The following CARD8 variants were observed in gnomAD, a reference collection of about 807,000 sequenced individuals.
CARD8 encodes the protein caspase recruitment domain family member 8.
A neutral mutation model predicts 53.2 loss-of-function variants in CARD8; 38 were observed. That is an observed-to-expected ratio of 0.71 (90% CI 0.55 to 0.94). The LOEUF is 0.94. Ranked by LOEUF, CARD8 falls within the 40% of genes least tolerant of loss-of-function variation. The pLI is 0.00. For missense variants in CARD8, 561 were observed against 655.5 expected (o/e 0.86, Z 1.57); for synonymous variants, 245 against 244.9 (o/e 1.00, Z 0.00).
chr19:48,220,441 G>A (rs758171461), intron 11 of CARD8, among the ~76,000 whole-genome samples: 1 of 143,194 alleles, frequency 7.0e-6, no homozygotes, highest in Non-Finnish European at 1.6e-5. Context: ...AGCCATCTAC[G>A]CCAAAACAAT....
At chr19:48,213,625 C>T (rs998976034) in intron 13 of CARD8, among the ~76,000 whole-genome samples, 2 of 152,168 alleles carry the variant, frequency 1.3e-5, no homozygotes, top group Non-Finnish European at 2.9e-5. Context: ...CCACCTGCCT[C>T]GGCCTCCCAA....
intron 10 of CARD8, among the ~76,000 whole-genome samples, chr19:48,228,434 G>A (rs2042206230): frequency 6.6e-6 from 1 of 152,058 alleles, no homozygotes. Context: ...CGTGGTCAGT[G>A]GAATAGCATT....
rs772686057 is a variant in CARD8, at chr19:48,232,683, T to C, written c.351-190A>G. The C allele has an allele frequency of 3.6e-5, 25 of 688,736 alleles. No homozygotes were observed. The South Asian group carries it at 3.8e-4, about 10-fold the overall frequency. 42.7% of individuals were successfully genotyped at this position (688,736 alleles called of 1,614,324 possible). On this transcript the variant is annotated intron_variant, in intron 6 of 13. Coordinates refer to ENST00000651546, the MANE Select transcript of CARD8 (RefSeq NM_001184900.3). The stretch of plus-strand genomic sequence containing the variant: ...AGTTTCTCAGTTGCACTATCCATAT[T>C]TCAAGTGCTCAACAGCTACATATCA...
downstream of CARD8, among the ~76,000 whole-genome samples, chr19:48,207,185 AAAAG>A (rs147465704): frequency 3.2e-5 from 3 of 93,050 alleles, no homozygotes; most frequent in Non-Finnish European, 4.9e-5. Flanking sequence ...AAAAGAAAAG[AAAAG>A]AAAAAAAAAA....
chr19:48,240,394 T>C (rs2044753401), intron 4 of CARD8, among the ~76,000 whole-genome samples: 1 of 152,074 alleles, frequency 6.6e-6, no homozygotes, highest in Non-Finnish European at 1.5e-5. Flanking sequence ...TGCTCAGGTA[T>C]GAAGTTGCCA....
At chr19:48,218,623 G>A (rs1178676638) in intron 12 of CARD8, among the ~76,000 whole-genome samples, 1 of 151,878 alleles carries the variant, frequency 6.6e-6, no homozygotes, top group Non-Finnish European at 1.5e-5. Flanking sequence ...CAAAGTTCTG[G>A]GTTTACAGGC....
chr19:48,218,847 T>C lies in CARD8; in HGVS notation c.1303+24A>G. On this transcript the variant is annotated intron_variant, in intron 12 of 13. Coordinates refer to ENST00000651546, the MANE Select transcript of CARD8 (RefSeq NM_001184900.3). ...TACATGATGGATCCCTGTCTAAAAA[T>C]GCCAGCCTCGCCCACTCACCTACCT... 1.9e-6 allele frequency: 3 copies of C among 1,612,552 alleles called. No homozygotes were observed. In the South Asian group the frequency reaches 3.3e-5, roughly 18 times the overall value.
intron 6 of CARD8, chr19:48,233,548 T>C (rs940191315): frequency 6.7e-5 from 25 of 370,818 alleles, no homozygotes; most frequent in African/African-American, 4.5e-4. Flanking sequence ...TGGATTCGGG[T>C]AGCTACAGGC....
At chr19:48,204,088 G>A (rs960266552), downstream of CARD8, 2 of 447,622 alleles carry the variant, frequency 4.5e-6, no homozygotes, top group Admixed American at 4.8e-5. Flanking sequence ...GAGCATTGTG[G>A]GGCCCGCTTG....
chr19:48,250,541 C>T (rs2046814903), intron 1 of CARD8, among the ~76,000 whole-genome samples: 1 of 152,126 alleles, frequency 6.6e-6, no homozygotes, highest in Non-Finnish European at 1.5e-5. Flanking sequence ...TTTCAGATTT[C>T]TCCTTGTGAT....
intron 3 of CARD8, among the ~76,000 whole-genome samples, chr19:48,246,455 G>A (rs1397191538): frequency 1.3e-5 from 2 of 152,088 alleles, no homozygotes; most frequent in Non-Finnish European, 2.9e-5. Flanking sequence ...AGATATCTTT[G>A]TCCTAATCTC....
intron 1 of CARD8, among the ~76,000 whole-genome samples, chr19:48,255,046 C>A (rs919770418): frequency 6.6e-6 from 1 of 152,180 alleles, no homozygotes; most frequent in African/African-American, 2.4e-5. Context: ...CATGTCTATT[C>A]CCAATTGCAA....
rs369827063 is a variant in CARD8 at position 48,208,459 on chromosome 19, G to A, written c.*3251C>T. The A allele has an allele frequency of 1.5e-4, 23 of 152,298 alleles. No individual in the cohort carries two copies. The East Asian group carries it at 4.0e-3, about 27-fold the overall frequency. The allele number at this position is 152,298 out of a possible 1,614,324, so 9.4% of individuals were successfully genotyped here. ...GCTGATATTAAGACCTCAGTTCACA[G>A]AAAGCCAAATAAATAATAAACATCT... On this transcript the variant is annotated 3_prime_UTR_variant, in exon 14 of 14. Transcript: ENST00000651546.
intron 5 of CARD8, among the ~76,000 whole-genome samples, chr19:48,234,756 T>A (rs558955126): frequency 1.2e-4 from 19 of 152,216 alleles, no homozygotes; most frequent in Non-Finnish European, 2.4e-4. Context: ...GGCTCTCTGT[T>A]TCCCACTATA....
At chr19:48,220,642 G>T (rs1435057800) in intron 11 of CARD8, among the ~76,000 whole-genome samples, 3 of 152,094 alleles carry the variant, frequency 2.0e-5, no homozygotes, top group Admixed American at 2.0e-4. Context: ...GGCCAGGTGT[G>T]GTGGCTCGAG....
intron 10 of CARD8, among the ~76,000 whole-genome samples, chr19:48,224,394 T>TCCC (rs1254985633): frequency 1.4e-4 from 21 of 152,186 alleles, no homozygotes; most frequent in African/African-American, 4.8e-4. Context: ...TTTATGTGCT[T>TCCC]CCCTTCATAT....
chr19:48,245,940 T>A (rs984747208), intron 3 of CARD8, among the ~76,000 whole-genome samples: 2 of 150,842 alleles, frequency 1.3e-5, no homozygotes, highest in Non-Finnish European at 3.0e-5. Flanking sequence ...ATAATACAAT[T>A]ATCCAACCAG....
At chr19:48,226,251 CAG>C (rs955269930) in intron 10 of CARD8, among the ~76,000 whole-genome samples, 1 of 151,902 alleles carries the variant, frequency 6.6e-6, no homozygotes, top group African/African-American at 2.4e-5. Context: ...TTATTTAAGA[CAG>C]AGTTTCGTTC....
At chr19:48,207,170 AAAAAAAAAG>A (rs1202497080), downstream of CARD8, among the ~76,000 whole-genome samples, 1 of 138,074 alleles carries the variant, frequency 7.2e-6, no homozygotes, top group Admixed American at 7.1e-5. Flanking sequence ...TGTCTCAAAA[AAAAAAAAAG>A]AAAAGAAAAG....
Sources: allele counts gnomAD v4.1 joint callset (sites outside exome capture counted in the v4.1 genomes callset), GRCh38; gene constraint gnomAD v4.1.1; transcripts MANE v1.5; gene names NCBI Gene and HGNC (gene_info 2026-07-23, HGNC 2026-07-21).